SEC24B: variants seen among roughly 807,000 people sequenced by gnomAD.
The protein encoded by SEC24B is protein transport protein Sec24B.
A neutral mutation model predicts 142.8 loss-of-function variants in SEC24B; 45 were observed. That is an observed-to-expected ratio of 0.32 (90% confidence interval 0.25 to 0.40). SEC24B has a LOEUF of 0.40. Among genes scored for constraint, SEC24B ranks in the 10% least tolerant of loss-of-function variants. SEC24B has a pLI of 1.00. For missense variants in SEC24B, 1,409 were observed against 1,526.8 expected (o/e 0.92, Z 1.29); for synonymous variants, 574 against 568.2 (o/e 1.01, Z -0.15).
In SEC24B at chr4:109,455,644, TGAAA is replaced by T. The variant is rs147376176; in HGVS notation, c.134-7253_134-7250del. The stretch of plus-strand genomic sequence containing the variant: ...ATCTAGTTATTCCAGCACCATTTGT[TGAAA>T]GAACTATCTTTCCTCAATTGCATTG... On this transcript the variant is annotated intron_variant, in intron 1 of 23. Transcript: ENST00000265175. 9.4e-4 allele frequency among the ~76,000 whole-genome samples: 144 copies of T among 152,396 alleles called. 4 individuals are homozygous for T. In the East Asian group the frequency reaches 0.024, roughly 25 times the overall value.
intron 19 of SEC24B, among the ~76,000 whole-genome samples, chr4:109,531,032 C>A (rs993351633): frequency 6.6e-6 from 1 of 151,968 alleles, no homozygotes; most frequent in African/African-American, 2.4e-5. Context: ...AGTCATAGCT[C>A]ACTCTTAATA....
intron 1 of SEC24B, among the ~76,000 whole-genome samples, chr4:109,442,044 C>T (rs1368124855): frequency 6.6e-6 from 1 of 152,102 alleles, no homozygotes; most frequent in Non-Finnish European, 1.5e-5. Context: ...TTTGAAATCA[C>T]CAAGGTTTGT....
chr4:109,536,151 A>G (rs989379189), intron 22 of SEC24B, among the ~76,000 whole-genome samples: 1 of 152,200 alleles, frequency 6.6e-6, no homozygotes, highest in Admixed American at 6.5e-5. Context: ...AAGAAAATGA[A>G]AAGGGAGAAT....
At chr4:109,466,645 T>C (rs953045201) in intron 2 of SEC24B, among the ~76,000 whole-genome samples, 23 of 152,242 alleles carry the variant, frequency 1.5e-4, no homozygotes, top group African/African-American at 3.8e-4. Flanking sequence ...CTCCTGACCT[T>C]GTGATCCGCC....
chr4:109,470,217 A>G (rs1430759329), intron 2 of SEC24B, among the ~76,000 whole-genome samples: 1 of 152,248 alleles, frequency 6.6e-6, no homozygotes, highest in Non-Finnish European at 1.5e-5. Flanking sequence ...ACCACATCCC[A>G]CAACACAGCT....
intron 3 of SEC24B, among the ~76,000 whole-genome samples, chr4:109,474,644 C>T (rs185381608): frequency 8.3e-4 from 126 of 152,214 alleles, no homozygotes; most frequent in Admixed American, 2.0e-3. Context: ...AATCTGGCCT[C>T]GAACTTTTGA....
chr4:109,537,648 A>G (rs1053270348), intron 22 of SEC24B, among the ~76,000 whole-genome samples: 3 of 152,172 alleles, frequency 2.0e-5, no homozygotes, highest in Non-Finnish European at 4.4e-5. Context: ...GCAAGACCCC[A>G]TCTCTTAAAA....
chr4:109,458,578 A>G (rs1024855777), intron 1 of SEC24B, among the ~76,000 whole-genome samples: 26 of 152,354 alleles, frequency 1.7e-4, no homozygotes, highest in Admixed American at 4.6e-4. Context: ...GAAAACCTAA[A>G]TGGCAGATAG....
rs568885870 is a variant in SEC24B, at chr4:109,477,113, G to A, written c.1060+3927G>A. Among the ~76,000 whole-genome samples the A allele has an allele frequency of 1.5e-3, 221 of 143,362 alleles. 2 individuals are homozygous for A. The highest frequency in any genetic ancestry group is 2.7e-3 in the Non-Finnish European group (183 of 66,626). The allele number at this position is 143,362 out of a possible 152,430, so 94.1% of individuals were successfully genotyped here. The stretch of plus-strand genomic sequence containing the variant: ...GATCCCGCCACTGCACTCCAGCCTG[G>A]GCGACAGAGCGAGACTCCGTCTCAA... On this transcript the variant is annotated intron_variant, in intron 3 of 23. Coordinates refer to ENST00000265175, the MANE Select transcript of SEC24B (RefSeq NM_006323.5).
chr4:109,493,631 CTTT>C (rs11284823), intron 5 of SEC24B, among the ~76,000 whole-genome samples: 5 of 141,306 alleles, frequency 3.5e-5, no homozygotes, highest in African/African-American at 5.3e-5. Context: ...TAGATACTAC[CTTT>C]TTTTTTTTTT....
intron 1 of SEC24B, among the ~76,000 whole-genome samples, chr4:109,446,790 T>A (rs1181415203): frequency 1.3e-5 from 2 of 152,226 alleles, no homozygotes; most frequent in African/African-American, 4.8e-5. Context: ...TAGTATTCCT[T>A]ATTGATACAT....
intron 19 of SEC24B, among the ~76,000 whole-genome samples, chr4:109,530,853 G>GC (rs2126094172): frequency 7.3e-6 from 1 of 136,444 alleles, no homozygotes; most frequent in African/African-American, 2.9e-5. Flanking sequence ...CCAAGATCAT[G>GC]CCGCTGCACC....
intron 11 of SEC24B, 52 bp downstream of exon 11, chr4:109,516,692 A>G (rs940868289): frequency 1.9e-6 from 2 of 1,041,638 alleles, no homozygotes; most frequent in African/African-American, 3.2e-5. Flanking sequence ...ATATATATAA[A>G]TGTGTATAAA....
intron 3 of SEC24B, among the ~76,000 whole-genome samples, chr4:109,475,211 T>C (rs888224733): frequency 6.6e-6 from 1 of 152,232 alleles, no homozygotes; most frequent in African/African-American, 2.4e-5. Context: ...TTTTTATTGT[T>C]CCTTTTTCAT....
chr4:109,466,231 AC>A (rs1319265297), intron 2 of SEC24B, among the ~76,000 whole-genome samples: 1 of 152,150 alleles, frequency 6.6e-6, no homozygotes, highest in Non-Finnish European at 1.5e-5. Context: ...TTCCTTGGAA[AC>A]CTGTGAATTT....
intron 4 of SEC24B, among the ~76,000 whole-genome samples, chr4:109,482,979 T>TATATACACAC (rs781527364): frequency 3.0e-4 from 8 of 26,404 alleles, no homozygotes; most frequent in Admixed American, 7.4e-4. Context: ...TATATATATA[T>TATATACACAC]ACACACACAC....
chr4:109,490,376 A>AT (rs2126001513), intron 4 of SEC24B, among the ~76,000 whole-genome samples: 1 of 152,194 alleles, frequency 6.6e-6, no homozygotes, highest in Admixed American at 6.5e-5. Flanking sequence ...TTCCTTCCCT[A>AT]TTACAATTGA....
intron 22 of SEC24B, among the ~76,000 whole-genome samples, chr4:109,535,535 G>C (rs976737753): frequency 1.3e-5 from 2 of 150,212 alleles, no homozygotes; most frequent in Admixed American, 6.7e-5. Flanking sequence ...CAACCTGGAC[G>C]ACAGAGCAAG....
intron 7 of SEC24B, among the ~76,000 whole-genome samples, chr4:109,509,282 G>T (rs115841874): frequency 6.6e-6 from 1 of 152,164 alleles, no homozygotes; most frequent in Admixed American, 6.5e-5. Flanking sequence ...TGATATTAAC[G>T]ACTCTTCATA....
Sources: gnomAD v4.1 joint callset for allele counts (sites outside exome capture counted in the v4.1 genomes callset) on GRCh38, gnomAD v4.1.1 for gene constraint, MANE v1.5 for transcripts, NCBI Gene and HGNC (gene_info 2026-07-23, HGNC 2026-07-21) for gene names.